The following B3GALNT1 variants were observed in gnomAD, a reference collection of about 807,000 sequenced individuals.
B3GALNT1 encodes UDP-GalNAc:beta-1,3-N-acetylgalactosaminyltransferase 1.
In B3GALNT1, 17 loss-of-function variants were observed where a neutral mutation model predicts 27.3. That is an observed-to-expected ratio of 0.62 (90% CI 0.43 to 0.94). The LOEUF (loss-of-function observed/expected upper bound fraction) is 0.94, where lower values mean the gene tolerates loss of function less well. B3GALNT1 is among the 40% of genes least tolerant of loss of function. The pLI, the probability that B3GALNT1 is intolerant of heterozygous loss-of-function variation, is 0.00. For synonymous variants in B3GALNT1, 141 were observed against 144.0 expected (o/e 0.98, Z 0.15); for missense variants, 347 against 390.0 (o/e 0.89, Z 0.93).
In B3GALNT1 at chr3:161,085,993, A is replaced by T. The variant is rs1328098282; in HGVS notation, c.762T>A (p.Tyr254Ter). The change falls in exon 5 of 5, where the codon TAT (tyrosine) becomes TAA (stop). Residue 254 changes from tyrosine to a stop codon, truncating the protein, a stop_gained. Coordinates refer to ENST00000320474, the MANE Select transcript of B3GALNT1 (RefSeq NM_003781.4). LOFTEE classifies it high-confidence loss of function. The part of the protein sequence containing the change: ...IMSRDLVPRI[Y>*]EMMGHVKPIK... ...TGGGTTTTACGTGACCCATCATTTC[A>T]TAGATCCTTGGCACCAAATCTCTGG... 1 of 1,587,248 alleles carries T rather than the reference A, an allele frequency of 6.3e-7. No individual in the cohort carries two copies. The highest frequency in any genetic ancestry group is 1.2e-5 in the South Asian group (1 of 85,798).
In B3GALNT1 at chr3:161,085,626, C is replaced by T; in HGVS notation, c.*133G>A. ...CAAGTGTAACCCTCCAGTCTCCAGT[C>T]TGGGTTTTTCATGAGTTTCAGTTCA... On this transcript the variant is annotated 3_prime_UTR_variant, in exon 5 of 5. Transcript: ENST00000320474. 2 of 914,360 alleles carry T rather than the reference C, an allele frequency of 2.2e-6. No homozygotes were observed. Among genetic ancestry groups the T allele is most frequent in the Non-Finnish European group, 3.5e-6 (2 of 566,388 alleles). The allele number at this position is 914,360 out of a possible 1,614,324, so 56.6% of individuals were successfully genotyped here. A position where few individuals can be genotyped will look rare whatever the true frequency, so the allele number is the denominator to read the frequency against.
chr3:161,102,595 TC>T (rs1438389747), intron 3 of B3GALNT1, among the ~76,000 whole-genome samples: 1 of 152,224 alleles, frequency 6.6e-6, no homozygotes, highest in Non-Finnish European at 1.5e-5. Flanking sequence ...TTGTCCATAG[TC>T]CCAAGAGAGA....
At chr3:161,093,262 T>C (rs1010263919) in intron 4 of B3GALNT1, among the ~76,000 whole-genome samples, 4 of 152,164 alleles carry the variant, frequency 2.6e-5, no homozygotes, top group African/African-American at 9.6e-5. Context: ...CATTACACAT[T>C]TATGCATGTA....
intron 3 of B3GALNT1, among the ~76,000 whole-genome samples, chr3:161,102,436 C>T (rs947797209): frequency 6.6e-5 from 10 of 152,182 alleles, no homozygotes; most frequent in African/African-American, 2.4e-4. Context: ...CATCTTCCTT[C>T]CCCATGCTGA....
intron 4 of B3GALNT1, among the ~76,000 whole-genome samples, chr3:161,100,314 ACT>A (rs1730540523): frequency 6.6e-6 from 1 of 151,968 alleles, no homozygotes; most frequent in Non-Finnish European, 1.5e-5. Flanking sequence ...CTCGAGCACC[ACT>A]CTCTGTAGTT....
At chr3:161,096,838 T>A (rs1728449086) in intron 4 of B3GALNT1, among the ~76,000 whole-genome samples, 1 of 152,196 alleles carries the variant, frequency 6.6e-6, no homozygotes, top group Non-Finnish European at 1.5e-5. Context: ...TATAATCTCC[T>A]GGAGAACTTG....
chr3:161,101,889 TC>T (rs1209675851), intron 3 of B3GALNT1, among the ~76,000 whole-genome samples: 1 of 152,112 alleles, frequency 6.6e-6, no homozygotes, highest in Admixed American at 6.6e-5. Context: ...CAAATACAAT[TC>T]CAGATATGAG....
Position 161,101,306 on chromosome 3 carries a change from T to C in B3GALNT1, c.-129-73A>G, listed in dbSNP as rs181051568. ...TGCCCTGAAAGCTGGGCTTTCTGTG[T>C]CTGTTTTGTTACAAAGAGCTTTATC... On this transcript the variant is annotated intron_variant, in intron 3 of 4. Transcript: ENST00000320474. 93 of 939,598 alleles carry C rather than the reference T, an allele frequency of 9.9e-5. No homozygotes were observed. The East Asian group carries it at 5.4e-3, about 55-fold the overall frequency. 58.2% of individuals were successfully genotyped at this position (939,598 alleles called of 1,614,324 possible). A position where few individuals can be genotyped will look rare whatever the true frequency, so the allele number is the denominator to read the frequency against.
chr3:161,086,798 T>C lies in B3GALNT1; in HGVS notation c.-34-10A>G. On this transcript the variant is annotated splice_polypyrimidine_tract_variant and intron_variant, in intron 4 of 4. Transcript: ENST00000320474. ...ACGCGAGCCGAAGGTTCTGGAAGAG[T>C]TATCAAAGATTGGGTTAATATTCCA... is the stretch of plus-strand genomic sequence containing the variant. 6.2e-7 allele frequency: 1 copy of C among 1,607,482 alleles called. No homozygotes were observed. The highest frequency in any genetic ancestry group is 1.7e-5 in the Admixed American group (1 of 58,856).
chr3:161,093,787 C>T (rs1276287423), intron 4 of B3GALNT1, among the ~76,000 whole-genome samples: 1 of 151,842 alleles, frequency 6.6e-6, no homozygotes, highest in Non-Finnish European at 1.5e-5. Context: ...TCGCTGGAGG[C>T]CAGGAGTTCA....
intron 4 of B3GALNT1, among the ~76,000 whole-genome samples, chr3:161,096,908 C>G (rs1373699459): frequency 6.6e-6 from 1 of 152,156 alleles, no homozygotes; most frequent in East Asian, 1.9e-4. Flanking sequence ...CAGAGGGTGG[C>G]AGGGCTCAGG....
intron 4 of B3GALNT1, among the ~76,000 whole-genome samples, chr3:161,097,761 G>C (rs1164877313): frequency 6.6e-6 from 1 of 152,204 alleles, no homozygotes; most frequent in African/African-American, 2.4e-5. Flanking sequence ...AGCAGCTGGA[G>C]GAGAGCTGCA....
intron 4 of B3GALNT1, among the ~76,000 whole-genome samples, chr3:161,094,244 G>A (rs570228763): frequency 6.6e-6 from 1 of 152,270 alleles, no homozygotes; most frequent in South Asian, 2.1e-4. Flanking sequence ...ATTGAACTTT[G>A]ATATAAACAG....
intron 4 of B3GALNT1, among the ~76,000 whole-genome samples, chr3:161,097,714 C>T (rs1232719181): frequency 6.6e-6 from 1 of 152,168 alleles, no homozygotes; most frequent in African/African-American, 2.4e-5. Flanking sequence ...TTCTGGGAAC[C>T]ACTCACACTG....
At chr3:161,090,420 T>C (rs1295143558) in intron 4 of B3GALNT1, among the ~76,000 whole-genome samples, 1 of 152,040 alleles carries the variant, frequency 6.6e-6, no homozygotes, top group Non-Finnish European at 1.5e-5. Flanking sequence ...ATAAAAAGAA[T>C]AGAAACATTC....
chr3:161,094,572 A>G (rs1727041299), intron 4 of B3GALNT1, among the ~76,000 whole-genome samples: 1 of 152,232 alleles, frequency 6.6e-6, no homozygotes. Flanking sequence ...AAATGTAATT[A>G]TTTAAAAAGT....
chr3:161,104,745 G>A (rs953781839), intron 1 of B3GALNT1: 3 of 181,144 alleles, frequency 1.7e-5, no homozygotes, highest in South Asian at 1.1e-4. Context: ...AGCGCTCCGG[G>A]AAAGCGTTCG....
At chr3:161,102,331 T>C (rs538262793) in intron 3 of B3GALNT1, among the ~76,000 whole-genome samples, 13 of 152,292 alleles carry the variant, frequency 8.5e-5, no homozygotes, top group African/African-American at 1.9e-4. Flanking sequence ...AGTTCCTTAA[T>C]GTCTCAGAGA....
chr3:161,092,847 C>T (rs1559987267), intron 4 of B3GALNT1, among the ~76,000 whole-genome samples: 1 of 148,734 alleles, frequency 6.7e-6, no homozygotes, highest in Non-Finnish European at 1.5e-5. Context: ...GCTCACTGCG[C>T]CTCCCGGGTT....
Sources: allele counts gnomAD v4.1 joint callset (sites outside exome capture counted in the v4.1 genomes callset), GRCh38; gene constraint gnomAD v4.1.1; transcripts MANE v1.5; gene names NCBI Gene and HGNC (gene_info 2026-07-23, HGNC 2026-07-21).